Variants in SPTLC2 observed in about 807,000 individuals in gnomAD.
SPTLC2 encodes serine palmitoyltransferase long chain base subunit 2, also known as serine palmitoyltransferase 2.
In SPTLC2, 21 loss-of-function variants were observed where a neutral mutation model predicts 62.0. The ratio of observed to expected loss-of-function variants is 0.34; its 90% confidence interval spans 0.24 to 0.49. The LOEUF (loss-of-function observed/expected upper bound fraction) is 0.49, where lower values mean the gene tolerates loss of function less well. SPTLC2 is among the 20% of genes least tolerant of loss of function. The probability of loss-of-function intolerance (pLI) is 0.99; values close to 1 mark genes in which losing one functional copy is unlikely to be tolerated. For missense variants in SPTLC2, 511 were observed against 713.0 expected (o/e 0.72, Z 3.23); for synonymous variants, 261 against 261.8 (o/e 1.00, Z 0.03).
At chr14:77,523,327 T>A (rs958149989) in intron 9 of SPTLC2, among the ~76,000 whole-genome samples, 2 of 152,200 alleles carry the variant, frequency 1.3e-5, no homozygotes, top group African/African-American at 4.8e-5. Flanking sequence ...CTGTGCTGCC[T>A]GAAGGCAGGT....
At chr14:77,521,965 C>T (rs986953365) in intron 9 of SPTLC2, among the ~76,000 whole-genome samples, 7 of 152,254 alleles carry the variant, frequency 4.6e-5, no homozygotes, top group Admixed American at 4.6e-4. Flanking sequence ...CCTACAGTTG[C>T]ACAATAGTGT....
chr14:77,591,730 G>GTATGTGTATGTATTTATT (rs372095112), intron 2 of SPTLC2, among the ~76,000 whole-genome samples: 1 of 131,174 alleles, frequency 7.6e-6, no homozygotes, highest in Non-Finnish European at 1.6e-5. Context: ...ATGTATGTAT[G>GTATGTGTATGTATTTATT]TATTTATTTT....
At position 77,580,792 on chromosome 14, in the gene SPTLC2, A is replaced by G. The variant is rs954252463; in HGVS notation, c.328-1683T>C. On this transcript the variant is annotated intron_variant, in intron 2 of 11. Transcript: ENST00000216484. ...CAACACTTGGGAGGCTAAGGCGGGA[A>G]GATCACTTGAGCCCAGGAGTTCAAG... Among the ~76,000 whole-genome samples the G allele has an allele frequency of 3.3e-5, 5 of 152,058 alleles. No homozygotes were observed. In the South Asian group the frequency reaches 8.3e-4, roughly 25 times the overall value.
chr14:77,530,491 G>C (rs1036068100), intron 9 of SPTLC2, among the ~76,000 whole-genome samples: 1 of 152,000 alleles, frequency 6.6e-6, no homozygotes, highest in South Asian at 2.1e-4. Context: ...ACCAGACTTA[G>C]CTAATTTTTG....
intron 5 of SPTLC2, among the ~76,000 whole-genome samples, chr14:77,562,847 T>C (rs1163881221): frequency 1.3e-5 from 2 of 152,212 alleles, no homozygotes; most frequent in Non-Finnish European, 2.9e-5. Context: ...TTTAGTATCA[T>C]GTTCTGTTTA....
At chr14:77,572,084 A>G (rs1364837347) in intron 4 of SPTLC2, among the ~76,000 whole-genome samples, 1 of 152,242 alleles carries the variant, frequency 6.6e-6, no homozygotes, top group African/African-American at 2.4e-5. Flanking sequence ...CACCGCATCC[A>G]GCCGAGCACT....
At chr14:77,517,396 A>C (rs1474463240) in intron 11 of SPTLC2, among the ~76,000 whole-genome samples, 1 of 152,260 alleles carries the variant, frequency 6.6e-6, no homozygotes, top group Non-Finnish European at 1.5e-5. Flanking sequence ...ACAATAACAT[A>C]TTAAGAGAAT....
chr14:77,535,513 A>ATGGTGGCT (rs1393214701), intron 9 of SPTLC2: 1 of 155,688 alleles, frequency 6.4e-6, no homozygotes, highest in Non-Finnish European at 1.4e-5. Context: ...AGGAGGGAAG[A>ATGGTGGCT]TGGTGACTTG....
intron 2 of SPTLC2, among the ~76,000 whole-genome samples, chr14:77,596,760 T>C (rs1336608005): frequency 1.3e-5 from 2 of 152,172 alleles, no homozygotes; most frequent in Non-Finnish European, 2.9e-5. Context: ...AGAAAACACA[T>C]TATTAATTCC....
At chr14:77,582,576 A>T (rs1233248356) in intron 2 of SPTLC2, among the ~76,000 whole-genome samples, 1 of 152,246 alleles carries the variant, frequency 6.6e-6, no homozygotes, top group Non-Finnish European at 1.5e-5. Context: ...AGAATGAAGT[A>T]GAGCTTCACC....
chr14:77,529,640 T>C (rs984291471), intron 9 of SPTLC2, among the ~76,000 whole-genome samples: 1 of 124,166 alleles, frequency 8.1e-6, no homozygotes. Context: ...TTTTTTTTTT[T>C]TTGAGACAGA....
At chr14:77,514,901 G>C (rs566224248) in intron 11 of SPTLC2, among the ~76,000 whole-genome samples, 1 of 152,190 alleles carries the variant, frequency 6.6e-6, no homozygotes, top group Non-Finnish European at 1.5e-5. Flanking sequence ...TGTAAGTTAT[G>C]TAGTCTTTGT....
At chr14:77,563,444 G>T (rs904913773) in intron 5 of SPTLC2, among the ~76,000 whole-genome samples, 17 of 152,138 alleles carry the variant, frequency 1.1e-4, no homozygotes, top group Admixed American at 7.9e-4. Flanking sequence ...GTATGTGTGT[G>T]TGTGAGATGG....
chr14:77,552,386 G>C (rs1217954368), intron 8 of SPTLC2, among the ~76,000 whole-genome samples, 164 bp from the exon 9 acceptor site: 28 of 152,162 alleles, frequency 1.8e-4, no homozygotes, highest in Non-Finnish European at 1.5e-5. Flanking sequence ...GCATACCGCT[G>C]GCAACAACTG....
intron 9 of SPTLC2, among the ~76,000 whole-genome samples, chr14:77,544,262 A>G (rs1158723867): frequency 6.6e-6 from 1 of 152,160 alleles, no homozygotes; most frequent in Non-Finnish European, 1.5e-5. Flanking sequence ...CTCCAGCTTC[A>G]GCCTCCCAAA....
rs187646242 is a variant in SPTLC2, at chr14:77,523,649, T to C, written c.1304-2068A>G. Among the ~76,000 whole-genome samples the C allele has an allele frequency of 1.4e-3, 217 of 152,304 alleles. 1 individual carries two copies. Among genetic ancestry groups the C allele is most frequent in the African/African-American group, 5.1e-3 (210 of 41,570 alleles). Reference sequence around the variant, plus strand: ...GCACTCACATGGAGCTGGGAATAGTTTGTATTTTTGTCCACCAAAATATAA... The same window carrying C: ...GCACTCACATGGAGCTGGGAATAGTCTGTATTTTTGTCCACCAAAATATAA... On this transcript the variant is annotated intron_variant, in intron 9 of 11. Transcript: ENST00000216484.
Position 77,562,275 on chromosome 14 carries a change from A to C in SPTLC2, c.850+121T>G, listed in dbSNP as rs907570641. ...AAAGACTGGACCGGAAGAACATTTTAAATGTTGCTACTTTGTCTTCATTTA... is the reference window on the plus strand; with the variant it reads ...AAAGACTGGACCGGAAGAACATTTTCAATGTTGCTACTTTGTCTTCATTTA... On this transcript the variant is annotated intron_variant, in intron 6 of 11. Transcript: ENST00000216484. The C allele has an allele frequency of 2.1e-5, 18 of 868,808 alleles. No individual in the cohort carries two copies. In the African/African-American group the frequency reaches 2.5e-4, roughly 12 times the overall value. 53.8% of individuals were successfully genotyped at this position (868,808 alleles called of 1,614,324 possible).
In SPTLC2 at chr14:77,573,582, T is replaced by C. The variant is rs568404200; in HGVS notation, c.632-3074A>G. ...TAATGTCTTTATAGAAAGGGGAAAT[T>C]TGGACACAGTGATAGACATGCACAG... On this transcript the variant is annotated intron_variant, in intron 4 of 11. Coordinates refer to ENST00000216484, the MANE Select transcript of SPTLC2 (RefSeq NM_004863.4). 1.6e-4 allele frequency among the ~76,000 whole-genome samples: 24 copies of C among 152,190 alleles called. 1 individual carries two copies. The South Asian group carries it at 5.0e-3, about 32-fold the overall frequency.
chr14:77,588,814 G>C (rs2079797623), intron 2 of SPTLC2, among the ~76,000 whole-genome samples: 1 of 151,504 alleles, frequency 6.6e-6, no homozygotes, highest in African/African-American at 2.4e-5. Context: ...CAGCCTGGGG[G>C]CAAAACCCAG....
Sources: gnomAD v4.1 joint callset for allele counts (sites outside exome capture counted in the v4.1 genomes callset) on GRCh38, gnomAD v4.1.1 for gene constraint, MANE v1.5 for transcripts, NCBI Gene and HGNC (gene_info 2026-07-23, HGNC 2026-07-21) for gene names.